The following ASZ1 variants were observed in gnomAD, a reference collection of about 807,000 sequenced individuals.
ASZ1 encodes the protein ankyrin repeat, SAM and basic leucine zipper domain containing 1, also known as ankyrin repeat, SAM and basic leucine zipper domain-containing protein 1.
In ASZ1, 67 loss-of-function variants were observed where a neutral mutation model predicts 61.8. The ratio of observed to expected loss-of-function variants is 1.08; its 90% confidence interval spans 0.89 to 1.33. The LOEUF (loss-of-function observed/expected upper bound fraction) is 1.33, where lower values mean the gene tolerates loss of function less well. Among genes scored for constraint, ASZ1 ranks in the 40% most tolerant of loss-of-function variants. ASZ1 has a pLI of 0.00. For synonymous variants in ASZ1, 193 were observed against 192.7 expected (o/e 1.00, Z -0.01); for missense variants, 577 against 554.5 (o/e 1.04, Z -0.41).
intron 4 of ASZ1, among the ~76,000 whole-genome samples, chr7:117,404,008 T>A (rs751984971): frequency 6.6e-6 from 1 of 152,218 alleles, no homozygotes; most frequent in East Asian, 1.9e-4. Context: ...TCCCGAAACA[T>A]CCCCCTGCCC....
chr7:117,368,780 C>T, intron 10 of ASZ1, 63 bp from the exon 11 acceptor site: 2 of 1,594,442 alleles, frequency 1.3e-6, no homozygotes, highest in Non-Finnish European at 1.7e-6. Context: ...TTTCATTCTA[C>T]TAGGCAAGTT....
intron 4 of ASZ1, among the ~76,000 whole-genome samples, chr7:117,416,887 C>T (rs1797003498): frequency 6.6e-6 from 1 of 152,230 alleles, no homozygotes; most frequent in South Asian, 2.1e-4. Flanking sequence ...ATTCTTCCAT[C>T]TACTCACTTG....
At position 117,427,396 on chromosome 7, in the gene ASZ1, T is replaced by C. The variant is rs748300645; in HGVS notation, c.65A>G (p.Asp22Gly). 6.2e-7 allele frequency: 1 copy of C among 1,614,180 alleles called. No individual in the cohort carries two copies. The highest frequency in any genetic ancestry group is 1.7e-5 in the Admixed American group (1 of 60,026). ...GAGATACCCAATCTCCCAGCCATCA[T>C]CCTCGCTCTCGCTACTCTCGCCTCC... ...AGGGESSESEDDGWEIGYLDR... is the reference protein window; with the variant it reads ...AGGGESSESEGDGWEIGYLDR... Residue 22 changes from aspartate to glycine, a missense_variant, in exon 1 of 13, where the codon GAT (aspartate) becomes GGT (glycine). Asp to Gly is a moderately conservative substitution (Grantham distance 94). Transcript: ENST00000284629.
chr7:117,385,645 A>G, intron 5 of ASZ1, 53 bp downstream of exon 5: 1 of 1,387,088 alleles, frequency 7.2e-7, no homozygotes, highest in Admixed American at 2.0e-5. Context: ...CTTTTTTTGT[A>G]GATTACTGAT....
chr7:117,388,866 T>C (rs901189548), intron 4 of ASZ1, among the ~76,000 whole-genome samples: 9 of 152,136 alleles, frequency 5.9e-5, no homozygotes, highest in African/African-American at 2.2e-4. Flanking sequence ...ACAGACAGCA[T>C]GATGTATATA....
At chr7:117,425,972 C>T (rs1250111786) in intron 2 of ASZ1, among the ~76,000 whole-genome samples, 2 of 151,354 alleles carry the variant, frequency 1.3e-5, no homozygotes, top group African/African-American at 4.9e-5. Context: ...TCCAGCAGGG[C>T]TAGAGAGAGA....
At chr7:117,423,400 C>T (rs1797134524) in intron 2 of ASZ1, among the ~76,000 whole-genome samples, 1 of 152,022 alleles carries the variant, frequency 6.6e-6, no homozygotes, top group African/African-American at 2.4e-5. Context: ...CTACTGCTAG[C>T]CCTACTTGTC....
At chr7:117,373,046 T>C (rs912718868) in intron 10 of ASZ1, among the ~76,000 whole-genome samples, 2 of 152,164 alleles carry the variant, frequency 1.3e-5, no homozygotes, top group Admixed American at 1.3e-4. Context: ...AACATCTATA[T>C]AGATTTTTTG....
chr7:117,399,699 G>T (rs1796643808), intron 4 of ASZ1, among the ~76,000 whole-genome samples: 1 of 152,014 alleles, frequency 6.6e-6, no homozygotes, highest in African/African-American at 2.4e-5. Context: ...GGTGGGGGCT[G>T]GGAGGTTTGG....
At chr7:117,424,108 C>T (rs1244079022) in intron 2 of ASZ1, among the ~76,000 whole-genome samples, 3 of 152,080 alleles carry the variant, frequency 2.0e-5, no homozygotes, top group Admixed American at 2.0e-4. Context: ...GAATGATAAA[C>T]ATCAACTATA....
chr7:117,400,058 A>G (rs956887734), intron 4 of ASZ1, among the ~76,000 whole-genome samples: 1 of 152,196 alleles, frequency 6.6e-6, no homozygotes, highest in African/African-American at 2.4e-5. Flanking sequence ...TGACAGAAAA[A>G]TAATATATTT....
Position 117,368,715 on chromosome 7 carries a change from C to G in ASZ1, c.1058G>C (p.Gly353Ala). Residue 353 changes from glycine to alanine, a missense_variant and splice_region_variant, in exon 11 of 13, where the codon GGT (glycine) becomes GCT (alanine). Coordinates refer to ENST00000284629, the MANE Select transcript of ASZ1 (RefSeq NM_130768.3). ...GAGAAGAAAGTTGAGGAACTCATCA[C>G]CACTAAAGAAAGGAAACAAACAAAC... ...LSEETKLEIS[G>A]DEFLNFLLKL... The G allele has an allele frequency of 6.2e-7, 1 of 1,611,592 alleles. No homozygotes were observed. The highest frequency in any genetic ancestry group is 8.5e-7 in the Non-Finnish European group (1 of 1,179,104).
chr7:117,378,552 A>T (rs1352797112), intron 10 of ASZ1, among the ~76,000 whole-genome samples: 2 of 152,250 alleles, frequency 1.3e-5, no homozygotes, highest in East Asian at 3.9e-4. Context: ...GATGGAGAGC[A>T]AACTGGATCA....
chr7:117,391,241 T>C (rs1031234864), intron 4 of ASZ1, among the ~76,000 whole-genome samples: 1 of 152,164 alleles, frequency 6.6e-6, no homozygotes, highest in African/African-American at 2.4e-5. Context: ...GTTGGATGCA[T>C]AGTTTGCAAA....
At chr7:117,404,316 G>C (rs1359715819) in intron 4 of ASZ1, among the ~76,000 whole-genome samples, 1 of 150,042 alleles carries the variant, frequency 6.7e-6, no homozygotes, top group Non-Finnish European at 1.5e-5. Flanking sequence ...AACCCAAACA[G>C]TATTAGGCTG....
At chr7:117,408,615 GA>G (rs1279024724) in intron 4 of ASZ1, among the ~76,000 whole-genome samples, 1 of 152,002 alleles carries the variant, frequency 6.6e-6, no homozygotes, top group East Asian at 1.9e-4. Context: ...TATTAATAAC[GA>G]AAAGCAAAGT....
At position 117,427,424 on chromosome 7, in the gene ASZ1, C is replaced by T; in HGVS notation, c.37G>A (p.Gly13Ser). ...TCGCTCTCGCTACTCTCGCCTCCGC[C>T]AGCCACTGGCAGGCCTCGCAGCGCG... ...ASALRGLPVA[G>S]GGESSESEDD... The change falls in exon 1 of 13, where the codon GGC (glycine) becomes AGC (serine). Residue 13 changes from glycine to serine, a missense_variant. By Grantham distance (56) the Gly-to-Ser change is moderately conservative (BLOSUM62 0). Transcript: ENST00000284629. 1 of 1,614,108 alleles carries T rather than the reference C, an allele frequency of 6.2e-7. No individual in the cohort carries two copies. The highest frequency in any genetic ancestry group is 8.5e-7 in the Non-Finnish European group (1 of 1,180,012).
In ASZ1 at chr7:117,402,293, C is replaced by A. The variant is rs146515876; in HGVS notation, c.441-16484G>T. Among the ~76,000 whole-genome samples the A allele has an allele frequency of 7.2e-5, 11 of 152,276 alleles. No homozygotes were observed. The South Asian group carries it at 2.3e-3, about 32-fold the overall frequency. The stretch of plus-strand genomic sequence containing the variant: ...AAGTATGTATGCTATTTGGCCACAT[C>A]TGTCTCTGGGAATTCCCAGACTTTG... On this transcript the variant is annotated intron_variant, in intron 4 of 12. Coordinates refer to ENST00000284629, the MANE Select transcript of ASZ1 (RefSeq NM_130768.3).
chr7:117,417,562 T>C (rs1401422348), intron 4 of ASZ1, among the ~76,000 whole-genome samples: 1 of 152,150 alleles, frequency 6.6e-6, no homozygotes, highest in African/African-American at 2.4e-5. Flanking sequence ...TCCCCATATG[T>C]CCTGATATGT....
Sources: allele counts gnomAD v4.1 joint callset (sites outside exome capture counted in the v4.1 genomes callset), GRCh38; gene constraint gnomAD v4.1.1; transcripts MANE v1.5; gene names NCBI Gene and HGNC (gene_info 2026-07-23, HGNC 2026-07-21).